The following WDTC1 variants were observed in gnomAD, a reference collection of about 807,000 sequenced individuals.
WDTC1 encodes the protein WD and tetratricopeptide repeats protein 1.
WDTC1 carries 12 observed loss-of-function variants against 76.0 expected under a neutral mutation model. That is an observed-to-expected ratio of 0.16 (90% CI 0.10 to 0.26). The LOEUF is 0.26. Among genes scored for constraint, WDTC1 ranks in the 10% least tolerant of loss-of-function variants. WDTC1 has a pLI of 1.00. For missense variants in WDTC1, 511 were observed against 908.8 expected (o/e 0.56, Z 5.63); for synonymous variants, 326 against 350.8 (o/e 0.93, Z 0.79).
intron 12 of WDTC1, among the ~76,000 whole-genome samples, chr1:27,300,708 G>T (rs547457485): frequency 2.0e-5 from 3 of 152,160 alleles, no homozygotes; most frequent in Non-Finnish European, 2.9e-5. Context: ...GGACAGGGGG[G>T]GGTCTGGCTG....
chr1:27,275,996 G>A (rs538738401), intron 3 of WDTC1, among the ~76,000 whole-genome samples: 49 of 152,318 alleles, frequency 3.2e-4, no homozygotes, highest in African/African-American at 1.1e-3. Context: ...AAATTATAAA[G>A]TGTGTGGCTT....
Position 27,303,140 on chromosome 1 carries a change from G to A in WDTC1, c.1469-481G>A, listed in dbSNP as rs115658865. Among the ~76,000 whole-genome samples the A allele has an allele frequency of 0.01, 1,537 of 152,172 alleles. 17 individuals are homozygous for A. Among genetic ancestry groups the A allele is most frequent in the South Asian group, 0.064 (307 of 4,818 alleles). ...ATACAAAAATTAGCTGGGCGTGGTG[G>A]CACGTGCCTGGTAGTCCCAGTTACT... On this transcript the variant is annotated intron_variant, in intron 13 of 15. Transcript: ENST00000319394. The surrounding 1 kb of genome is among the most constrained non-coding windows in gnomAD (Gnocchi z 4.8).
intron 1 of WDTC1, among the ~76,000 whole-genome samples, chr1:27,259,127 A>G (rs1435955383): frequency 1.3e-5 from 2 of 152,150 alleles, no homozygotes; most frequent in Non-Finnish European, 2.9e-5. Flanking sequence ...TCATTAACCA[A>G]AGAGAGCTAT....
chr1:27,235,335 G>C (rs1240141314), intron 1 of WDTC1, among the ~76,000 whole-genome samples: 1 of 151,998 alleles, frequency 6.6e-6, no homozygotes, highest in Non-Finnish European at 1.5e-5. Context: ...GGGCAACGCC[G>C]ACCTGACCTG....
At chr1:27,256,873 T>C (rs2012297502) in intron 1 of WDTC1, among the ~76,000 whole-genome samples, 1 of 152,176 alleles carries the variant, frequency 6.6e-6, no homozygotes, top group African/African-American at 2.4e-5. Flanking sequence ...ATTTCTTTCT[T>C]TTTTTTGAGA....
intron 14 of WDTC1, 118 bp from the exon 15 acceptor site, chr1:27,304,883 T>C: frequency 9.6e-7 from 1 of 1,038,376 alleles, no homozygotes. Context: ...CCCCAGCGTG[T>C]GGGGGACTGA....
intron 12 of WDTC1, among the ~76,000 whole-genome samples, chr1:27,299,691 C>A (rs944406633): frequency 2.6e-5 from 4 of 152,070 alleles, no homozygotes; most frequent in African/African-American, 9.7e-5. Context: ...AGAGCGGTGA[C>A]GTTGGCCTCG....
intron 5 of WDTC1, among the ~76,000 whole-genome samples, chr1:27,285,872 G>A (rs2013318634): frequency 1.3e-5 from 2 of 151,978 alleles, no homozygotes; most frequent in Non-Finnish European, 2.9e-5. Flanking sequence ...ACAGGTGCGA[G>A]CCACAGCGCC....
chr1:27,284,671 T>G (rs1201134363), intron 5 of WDTC1, among the ~76,000 whole-genome samples: 1 of 152,058 alleles, frequency 6.6e-6, no homozygotes, highest in Non-Finnish European at 1.5e-5. Context: ...GACATTGATT[T>G]CTAACACCAG....
In WDTC1 at chr1:27,297,030, C is replaced by G; in HGVS notation, c.950-18C>G. On this transcript the variant is annotated intron_variant, in intron 10 of 15. Transcript: ENST00000319394. ...CTTCCTGAGTTGTTGCTGTCACTTT[C>G]TCACTATCTCCTGCCAGAAGTCCAG... 1 of 1,612,800 alleles carries G rather than the reference C, an allele frequency of 6.2e-7. No individual in the cohort carries two copies. Among genetic ancestry groups the G allele is most frequent in the Non-Finnish European group, 8.5e-7 (1 of 1,179,108 alleles).
In WDTC1 at chr1:27,261,060, G is replaced by A. The variant is rs78283341; in HGVS notation, c.6G>A (p.Ala2=). 1.3e-3 allele frequency: 2,083 copies of A among 1,614,070 alleles called. 31 individuals carry two copies. The East Asian group carries it at 0.033, about 25-fold the overall frequency. ...TGTTGAACCATTAAGAAAAGATGGCGAAAGTCAACATAACTAGAGACCTCA... is the reference window on the plus strand; with the variant it reads ...TGTTGAACCATTAAGAAAAGATGGCAAAAGTCAACATAACTAGAGACCTCA... The part of the protein sequence containing the change: M[A]KVNITRDLIR... Residue 2 remains alanine, a synonymous_variant, in exon 2 of 16, where the codon GCG becomes GCA. Coordinates refer to ENST00000319394, the MANE Select transcript of WDTC1 (RefSeq NM_001276252.2).
At chr1:27,275,705 A>G (rs1173383525) in intron 3 of WDTC1, among the ~76,000 whole-genome samples, 1 of 152,082 alleles carries the variant, frequency 6.6e-6, no homozygotes, top group African/African-American at 2.4e-5. Context: ...CTTTAAATCC[A>G]GATCAGCAAT....
rs140202016 is a variant in WDTC1, at chr1:27,240,844, G to A, written c.-100+5893G>A. On this transcript the variant is annotated intron_variant, in intron 1 of 15. Coordinates refer to ENST00000319394, the MANE Select transcript of WDTC1 (RefSeq NM_001276252.2). Reference sequence around the variant, plus strand: ...ACAAAAATTAGCCTGGCGTGGTGGCGGGTGTCTGTAGTCCCAGCTACTCAG... The same window carrying A: ...ACAAAAATTAGCCTGGCGTGGTGGCAGGTGTCTGTAGTCCCAGCTACTCAG... Among the ~76,000 whole-genome samples the A allele has an allele frequency of 2.6e-4, 39 of 151,978 alleles. 1 individual carries two copies. The East Asian group carries it at 5.0e-3, about 20-fold the overall frequency.
At chr1:27,241,128 A>G (rs2011620775) in intron 1 of WDTC1, among the ~76,000 whole-genome samples, 1 of 152,074 alleles carries the variant, frequency 6.6e-6, no homozygotes, top group African/African-American at 2.4e-5. Context: ...GCATTTTTGT[A>G]TTTATTATCT....
chr1:27,252,815 A>G (rs1315884458), intron 1 of WDTC1, among the ~76,000 whole-genome samples: 1 of 151,836 alleles, frequency 6.6e-6, no homozygotes, highest in Non-Finnish European at 1.5e-5. Flanking sequence ...GAAAAAGAAA[A>G]AAAAAAAGTT....
At chr1:27,238,163 T>C (rs984820201) in intron 1 of WDTC1, among the ~76,000 whole-genome samples, 1 of 152,200 alleles carries the variant, frequency 6.6e-6, no homozygotes. Context: ...AGGACTGGAA[T>C]TCAAACCCAG....
intron 3 of WDTC1, among the ~76,000 whole-genome samples, chr1:27,271,808 T>G (rs2147946591): frequency 6.6e-6 from 1 of 151,276 alleles, no homozygotes; most frequent in Non-Finnish European, 1.5e-5. Flanking sequence ...TGGTGATTTT[T>G]GTATTTTTAG....
upstream of WDTC1, chr1:27,234,623 C>T: frequency 2.5e-6 from 1 of 393,240 alleles, no homozygotes; most frequent in Non-Finnish European, 4.5e-6. Flanking sequence ...GTGGCGCAGG[C>T]GCGTTGCTGG....
chr1:27,291,392 A>G (rs1438268862), intron 6 of WDTC1, among the ~76,000 whole-genome samples: 1 of 152,208 alleles, frequency 6.6e-6, no homozygotes, highest in Non-Finnish European at 1.5e-5. Flanking sequence ...CAGGAGAGTG[A>G]TGTAAAATAA....
Sources: gnomAD v4.1 joint callset for allele counts (sites outside exome capture counted in the v4.1 genomes callset) on GRCh38, gnomAD v4.1.1 for gene constraint, Gnocchi (gnomAD v3.1) non-coding constraint, MANE v1.5 for transcripts, NCBI Gene and HGNC (gene_info 2026-07-23, HGNC 2026-07-21) for gene names.